Variants in NUMB observed in about 807,000 individuals in gnomAD.
The protein encoded by NUMB is protein numb homolog.
A neutral mutation model predicts 59.7 loss-of-function variants in NUMB; 29 were observed. The observed-to-expected ratio is 0.49, with a 90% CI of 0.36 to 0.66. The LOEUF is 0.66. Among genes scored for constraint, NUMB ranks in the 30% least tolerant of loss-of-function variants. The pLI is 0.00. For missense variants in NUMB, 723 were observed against 822.0 expected, an observed-to-expected ratio of 0.88 and a Z score of 1.47; for synonymous variants, 288 against 288.2, an observed-to-expected ratio of 1.00 and a Z score of 0.01.
At chr14:73,442,003 A>G (rs1274556464) in intron 1 of NUMB, among the ~76,000 whole-genome samples, 2 of 152,082 alleles carry the variant, frequency 1.3e-5, no homozygotes, top group East Asian at 3.9e-4. Flanking sequence ...AAAACCTCAA[A>G]AGAGTTACCA....
At chr14:73,416,057 T>C (rs1301959233) in intron 1 of NUMB, among the ~76,000 whole-genome samples, 1 of 152,206 alleles carries the variant, frequency 6.6e-6, no homozygotes, top group African/African-American at 2.4e-5. Flanking sequence ...CCCCTATAGA[T>C]AAACATTTAA....
chr14:73,449,329 A>T, intron 1 of NUMB, among the ~76,000 whole-genome samples: 1 of 152,176 alleles, frequency 6.6e-6, no homozygotes, highest in East Asian at 1.9e-4. Flanking sequence ...CCCCACTGAT[A>T]CCTGTATTTG....
At chr14:73,394,379 A>G (rs1896014616) in intron 2 of NUMB, among the ~76,000 whole-genome samples, 1 of 151,148 alleles carries the variant, frequency 6.6e-6, no homozygotes, top group Admixed American at 6.6e-5. Flanking sequence ...AGAACATTTA[A>G]GATTTATTGT....
chr14:73,279,677 G>A (rs909050442), intron 11 of NUMB, among the ~76,000 whole-genome samples: 1 of 152,218 alleles, frequency 6.6e-6, no homozygotes, highest in African/African-American at 2.4e-5. Flanking sequence ...TATGTGCATG[G>A]GGAGTGGGGA....
At chr14:73,300,806 TCCCCTCA>T (rs1566733376) in intron 6 of NUMB, among the ~76,000 whole-genome samples, 1 of 151,884 alleles carries the variant, frequency 6.6e-6, no homozygotes, top group Non-Finnish European at 1.5e-5. Context: ...TCCTCCCCCC[TCCCCTCA>T]CCCCACAACA....
At chr14:73,295,473 A>C (rs1196623721) in intron 7 of NUMB, among the ~76,000 whole-genome samples, 1 of 152,236 alleles carries the variant, frequency 6.6e-6, no homozygotes, top group East Asian at 1.9e-4. Flanking sequence ...CCAAACACTA[A>C]TGAAAACTAC....
intron 1 of NUMB, among the ~76,000 whole-genome samples, chr14:73,431,429 T>A (rs1304236440): frequency 6.6e-6 from 1 of 151,554 alleles, no homozygotes; most frequent in Non-Finnish European, 1.5e-5. Flanking sequence ...CTAATTTTTG[T>A]ATTTTTAGTA....
intron 4 of NUMB, among the ~76,000 whole-genome samples, chr14:73,336,974 G>A (rs934680768): frequency 6.6e-6 from 1 of 152,114 alleles, no homozygotes; most frequent in African/African-American, 2.4e-5. Context: ...GCATGCGCCT[G>A]TAATCCCAGC....
chr14:73,413,798 A>G (rs1897004601), intron 1 of NUMB, among the ~76,000 whole-genome samples: 1 of 152,108 alleles, frequency 6.6e-6, no homozygotes, highest in Non-Finnish European at 1.5e-5. Flanking sequence ...AACAAAATAA[A>G]AACAAACAAA....
intron 4 of NUMB, among the ~76,000 whole-genome samples, chr14:73,349,294 A>C (rs1349908479): frequency 6.6e-6 from 1 of 151,926 alleles, no homozygotes; most frequent in African/African-American, 2.4e-5. Context: ...TCTACTAAAA[A>C]TACAAAAATT....
intron 1 of NUMB, among the ~76,000 whole-genome samples, chr14:73,419,415 A>G (rs1897265480): frequency 1.3e-5 from 2 of 152,172 alleles, no homozygotes; most frequent in African/African-American, 4.8e-5. Context: ...AGGCTGAGGC[A>G]GGAGAATGGC....
chr14:73,362,109 T>C (rs1351643152), intron 3 of NUMB, among the ~76,000 whole-genome samples: 5 of 151,734 alleles, frequency 3.3e-5, no homozygotes, highest in Non-Finnish European at 7.4e-5. Flanking sequence ...ATACAAAAAC[T>C]AGCCAGGCAT....
At chr14:73,403,293 A>C (rs191198551) in intron 2 of NUMB, among the ~76,000 whole-genome samples, 2 of 152,340 alleles carry the variant, frequency 1.3e-5, no homozygotes, top group East Asian at 3.9e-4. Context: ...TGCCAACTTC[A>C]GATTTATGTA....
At chr14:73,397,763 A>G (rs1179211902) in intron 2 of NUMB, among the ~76,000 whole-genome samples, 1 of 152,206 alleles carries the variant, frequency 6.6e-6, no homozygotes, top group Non-Finnish European at 1.5e-5. Flanking sequence ...ATATTCACAC[A>G]CATACATTCA....
At chr14:73,321,710 C>T (rs1249192176) in intron 5 of NUMB, among the ~76,000 whole-genome samples, 4 of 152,106 alleles carry the variant, frequency 2.6e-5, no homozygotes, top group Admixed American at 2.6e-4. Flanking sequence ...GTCCCCTTAA[C>T]GTAATGACAG....
At chr14:73,385,795 C>A (rs1478540461) in intron 2 of NUMB, among the ~76,000 whole-genome samples, 3 of 152,112 alleles carry the variant, frequency 2.0e-5, no homozygotes, top group Admixed American at 2.0e-4. Context: ...AGCCATCGTG[C>A]CTGCCCACTA....
chr14:73,415,474 T>C lies in NUMB; in HGVS notation c.-232-5406A>G, dbSNP rs1262379641. ...CCTCCATACCAGCACGATAAACTAT[T>C]TCTCCTTACTGTCTTGCAACTATTT... On this transcript the variant is annotated intron_variant, in intron 1 of 12. Coordinates refer to ENST00000555238, the MANE Select transcript of NUMB (RefSeq NM_001005743.2). Among the ~76,000 whole-genome samples the C allele has an allele frequency of 2.0e-5, 3 of 151,578 alleles. No homozygotes were observed. In the East Asian group the frequency reaches 5.8e-4, roughly 29 times the overall value.
At chr14:73,308,526 A>G (rs1260469608) in intron 6 of NUMB, among the ~76,000 whole-genome samples, 1 of 152,232 alleles carries the variant, frequency 6.6e-6, no homozygotes, top group Non-Finnish European at 1.5e-5. Flanking sequence ...CAACAATCAC[A>G]TGAAGTAGGC....
chr14:73,288,161 C>T lies in NUMB; in HGVS notation c.451-847G>A, dbSNP rs371098856. Among the ~76,000 whole-genome samples the T allele has an allele frequency of 5.3e-5, 8 of 152,332 alleles. No individual in the cohort carries two copies. The South Asian group carries it at 1.0e-3, about 20-fold the overall frequency. On this transcript the variant is annotated intron_variant, in intron 8 of 12. Coordinates refer to ENST00000555238, the MANE Select transcript of NUMB (RefSeq NM_001005743.2). ...GGGCATGGTGGCTCACATCTGTAATCCCAGCACTTTGGGAGGCTGAGATGG... is the reference window on the plus strand; with the variant it reads ...GGGCATGGTGGCTCACATCTGTAATTCCAGCACTTTGGGAGGCTGAGATGG...
Sources: gnomAD v4.1 joint callset for allele counts (sites outside exome capture counted in the v4.1 genomes callset) on GRCh38, gnomAD v4.1.1 for gene constraint, MANE v1.5 for transcripts, NCBI Gene and HGNC (gene_info 2026-07-23, HGNC 2026-07-21) for gene names.